CPNE4: variants seen among roughly 807,000 people sequenced by gnomAD.
CPNE4 encodes copine 4, also known as copine-4.
A neutral mutation model predicts 67.9 loss-of-function variants in CPNE4; 25 were observed. The ratio of observed to expected loss-of-function variants is 0.37; its 90% CI spans 0.27 to 0.51. The LOEUF is 0.51. CPNE4 is among the 20% of genes least tolerant of loss of function. The probability of loss-of-function intolerance (pLI) is 0.93; values close to 1 mark genes in which losing one functional copy is unlikely to be tolerated. For missense variants in CPNE4, 464 were observed against 690.8 expected (o/e 0.67, Z 3.68); for synonymous variants, 242 against 244.9 (o/e 0.99, Z 0.11).
chr3:131,643,890 T>C (rs2079598572), intron 7 of CPNE4, among the ~76,000 whole-genome samples: 1 of 152,188 alleles, frequency 6.6e-6, no homozygotes, highest in African/African-American at 2.4e-5. Flanking sequence ...GCCACAATTG[T>C]AAGTTTTCTG....
At chr3:131,801,402 A>ATATGGTACATATATATATATAT (rs71622077) in intron 2 of CPNE4, among the ~76,000 whole-genome samples, 3 of 113,950 alleles carry the variant, frequency 2.6e-5, no homozygotes, top group South Asian at 3.1e-4. Context: ...ATATATATAT[A>ATATGGTACATATATATATATAT]GGTACATATA....
chr3:132,002,384 A>T (rs1196893595), intron 1 of CPNE4, among the ~76,000 whole-genome samples: 1 of 152,138 alleles, frequency 6.6e-6, no homozygotes, highest in Non-Finnish European at 1.5e-5. Flanking sequence ...TAAGGAGTTG[A>T]ACTCTGATTT....
intron 2 of CPNE4, among the ~76,000 whole-genome samples, chr3:131,751,901 T>C (rs1470836600): frequency 6.6e-6 from 1 of 152,104 alleles, no homozygotes; most frequent in African/African-American, 2.4e-5. Flanking sequence ...CAGCCAAAGC[T>C]TGAGGCTCCT....
intron 1 of CPNE4, among the ~76,000 whole-genome samples, chr3:131,973,182 G>T (rs966547789): frequency 6.6e-6 from 1 of 152,094 alleles, no homozygotes; most frequent in Non-Finnish European, 1.5e-5. Flanking sequence ...CATCTTAAAA[G>T]ATAATGAAAC....
intron 1 of CPNE4, among the ~76,000 whole-genome samples, chr3:132,022,779 AGACCAAACAGTCAGACAACTATCT>A (rs1349836846): frequency 6.6e-6 from 1 of 152,198 alleles, no homozygotes; most frequent in Non-Finnish European, 1.5e-5. Flanking sequence ...GGTGTCAAAA[AGACCAAACAGTCAGACAACTATCT>A]GATTCCCTGT....
chr3:131,569,339 A>G (rs557968238), intron 10 of CPNE4, among the ~76,000 whole-genome samples: 1 of 141,322 alleles, frequency 7.1e-6, no homozygotes, highest in South Asian at 2.2e-4. Context: ...TTAGGGTTAG[A>G]AAAGATTTCC....
intron 14 of CPNE4, among the ~76,000 whole-genome samples, chr3:131,544,289 CAT>C (rs1276450848): frequency 6.6e-6 from 1 of 152,112 alleles, no homozygotes; most frequent in Non-Finnish European, 1.5e-5. Context: ...TTTTGAGAAT[CAT>C]ATACTTAATG....
chr3:131,536,957 A>G (rs572143635), intron 15 of CPNE4, among the ~76,000 whole-genome samples: 30 of 152,342 alleles, frequency 2.0e-4, no homozygotes, highest in South Asian at 1.5e-3. Flanking sequence ...CCTTTGAGAT[A>G]TAAGTGAAAA....
chr3:131,999,757 T>C (rs1376383581), intron 1 of CPNE4, among the ~76,000 whole-genome samples: 1 of 152,042 alleles, frequency 6.6e-6, no homozygotes, highest in Non-Finnish European at 1.5e-5. Context: ...TTTAAACTTT[T>C]CACATTCAAA....
intron 2 of CPNE4, among the ~76,000 whole-genome samples, chr3:131,859,234 T>C (rs558903482): frequency 2.6e-5 from 4 of 152,250 alleles, no homozygotes; most frequent in African/African-American, 9.6e-5. Context: ...CAGCACTCCA[T>C]TTTATTTCTA....
chr3:131,900,121 A>C (rs2088494886), intron 2 of CPNE4, among the ~76,000 whole-genome samples: 1 of 152,084 alleles, frequency 6.6e-6, no homozygotes, highest in Admixed American at 6.6e-5. Context: ...CAGAATTATA[A>C]GGAGTTTAAA....
intron 2 of CPNE4, among the ~76,000 whole-genome samples, chr3:131,853,046 G>A (rs1350491530): frequency 2.0e-5 from 3 of 151,592 alleles, no homozygotes; most frequent in African/African-American, 7.3e-5. Flanking sequence ...TAAAATACCA[G>A]CAGAATTTTC....
intron 1 of CPNE4, among the ~76,000 whole-genome samples, chr3:131,916,018 T>C (rs1217527842): frequency 6.6e-6 from 1 of 152,194 alleles, no homozygotes; most frequent in South Asian, 2.1e-4. Flanking sequence ...TTTTAAGAGT[T>C]AAATTTGAAC....
intron 1 of CPNE4, among the ~76,000 whole-genome samples, chr3:131,923,199 T>C (rs933775787): frequency 2.0e-5 from 3 of 152,216 alleles, no homozygotes; most frequent in African/African-American, 7.2e-5. Flanking sequence ...CAAATAACTT[T>C]TGCTTTATCG....
intron 2 of CPNE4, among the ~76,000 whole-genome samples, chr3:131,868,998 A>C (rs1489106143): frequency 6.6e-6 from 1 of 152,202 alleles, no homozygotes; most frequent in Non-Finnish European, 1.5e-5. Context: ...CAAATGATCA[A>C]AAAGTACCAC....
Position 131,587,533 on chromosome 3 carries a change from T to C in CPNE4, c.731A>G (p.Glu244Gly). The C allele has an allele frequency of 6.2e-7, 1 of 1,613,792 alleles. No homozygotes were observed. The change falls in exon 8 of 16, where the codon GAA (glutamate) becomes GGA (glycine). Residue 244 changes from glutamate to glycine, a missense_variant. Around this residue, in one of 6 missense-constraint regions of CPNE4, gnomAD observed 6 missense variants for 24.4 expected, o/e 0.25. Coordinates refer to ENST00000429747, the MANE Select transcript of CPNE4 (RefSeq NM_130808.3). ...CATCTCCTTGAATGTCGAGGTGAAT[T>C]CTCCAATGAAGTCATGCTTGCCATT... ...DSNGKHDFIG[E>G]FTSTFKEMRG...
chr3:131,842,833 T>A (rs190365601), intron 2 of CPNE4, among the ~76,000 whole-genome samples: 7 of 151,542 alleles, frequency 4.6e-5, no homozygotes, highest in Admixed American at 3.3e-4. Flanking sequence ...AAAAGTAACA[T>A]GAAACACTTG....
At chr3:131,724,525 C>T (rs1262832400) in intron 2 of CPNE4, among the ~76,000 whole-genome samples, 1 of 152,176 alleles carries the variant, frequency 6.6e-6, no homozygotes, top group African/African-American at 2.4e-5. Context: ...GGCACCCTTG[C>T]CCTCTGGGTT....
chr3:131,731,102 A>G lies in CPNE4; in HGVS notation c.181-7477T>C, dbSNP rs1483325877. ...GACAAGTGTCTTTCTCCCACTTTCA[A>G]TCCATTGAACCCTGCCTTCATCCTC... On this transcript the variant is annotated intron_variant, in intron 2 of 15. Coordinates refer to ENST00000429747, the MANE Select transcript of CPNE4 (RefSeq NM_130808.3). Among the ~76,000 whole-genome samples the G allele has an allele frequency of 5.9e-5, 9 of 152,298 alleles. No homozygotes were observed. The East Asian group carries it at 1.7e-3, about 29-fold the overall frequency.
Sources: allele counts gnomAD v4.1 joint callset (sites outside exome capture counted in the v4.1 genomes callset), GRCh38; gene constraint gnomAD v4.1.1; regional missense constraint gnomAD v4.1.1; transcripts MANE v1.5; gene names NCBI Gene and HGNC (gene_info 2026-07-23, HGNC 2026-07-21).